The following RELN variants were observed in gnomAD, a reference collection of about 807,000 sequenced individuals.
RELN encodes the protein reelin.
RELN carries 108 observed loss-of-function variants against 427.6 expected under a neutral mutation model. The observed-to-expected ratio is 0.25, with a 90% confidence interval of 0.22 to 0.30. The LOEUF (loss-of-function observed/expected upper bound fraction) is 0.30. Among genes scored for constraint, RELN ranks in the 10% least tolerant of loss-of-function variants. The pLI, the probability that RELN is intolerant of heterozygous loss-of-function variation, is 1.00. For missense variants in RELN, 3,715 were observed against 4,302.8 expected, an observed-to-expected ratio of 0.86 and a Z score of 3.82; for synonymous variants, 1,524 against 1,513.4, an observed-to-expected ratio of 1.01 and a Z score of -0.16.
At chr7:103,951,275 C>T (rs1023649205) in intron 1 of RELN, among the ~76,000 whole-genome samples, 3 of 152,130 alleles carry the variant, frequency 2.0e-5, no homozygotes, top group Non-Finnish European at 4.4e-5. Context: ...ATAAACAAAT[C>T]ACATATATAT....
chr7:103,641,906 C>T (rs1476798105), intron 16 of RELN, among the ~76,000 whole-genome samples: 1 of 152,092 alleles, frequency 6.6e-6, no homozygotes, highest in Non-Finnish European at 1.5e-5. Flanking sequence ...AGAGATAGGG[C>T]ACCCATGTCA....
intron 11 of RELN, among the ~76,000 whole-genome samples, chr7:103,678,368 A>C (rs933922539): frequency 1.3e-5 from 2 of 152,044 alleles, no homozygotes; most frequent in African/African-American, 4.8e-5. Context: ...ATAAATTATC[A>C]GTGTATCTAT....
chr7:103,807,910 C>G (rs116436530), intron 3 of RELN, among the ~76,000 whole-genome samples: 1 of 152,046 alleles, frequency 6.6e-6, no homozygotes, highest in African/African-American at 2.4e-5. Flanking sequence ...GGCCCTCATC[C>G]CACCAGCAGA....
chr7:103,838,526 AAGAGAGTCCCAGGAAAATC>A (rs1228707582), intron 2 of RELN, among the ~76,000 whole-genome samples: 1 of 152,146 alleles, frequency 6.6e-6, no homozygotes, highest in African/African-American at 2.4e-5. Flanking sequence ...TGGGGAGAAT[AAGAGAGTCCCAGGAAAATC>A]ACAGAGTGCC....
intron 51 of RELN, among the ~76,000 whole-genome samples, chr7:103,506,967 C>T (rs1181308823): frequency 2.0e-5 from 3 of 152,118 alleles, no homozygotes; most frequent in East Asian, 1.9e-4. Flanking sequence ...AAGGAATCAA[C>T]GCAACAAGAA....
At chr7:103,825,016 T>C (rs1034834544) in intron 3 of RELN, among the ~76,000 whole-genome samples, 1 of 151,976 alleles carries the variant, frequency 6.6e-6, no homozygotes, top group Admixed American at 6.6e-5. Flanking sequence ...AGGAACTTAG[T>C]AGGCTGCCTG....
At chr7:103,885,207 C>T (rs1173123671) in intron 2 of RELN, among the ~76,000 whole-genome samples, 3 of 151,936 alleles carry the variant, frequency 2.0e-5, no homozygotes, top group Non-Finnish European at 2.9e-5. Context: ...GGCATGGTAG[C>T]GGGTGCCTGT....
At chr7:103,961,985 G>A (rs1363149867) in intron 1 of RELN, among the ~76,000 whole-genome samples, 2 of 152,140 alleles carry the variant, frequency 1.3e-5, no homozygotes, top group Non-Finnish European at 2.9e-5. Flanking sequence ...TTTTAGGGGT[G>A]AGGGGTGGAG....
At chr7:103,787,186 C>A (rs748096513) in intron 3 of RELN, among the ~76,000 whole-genome samples, 18 of 152,024 alleles carry the variant, frequency 1.2e-4, no homozygotes, top group Admixed American at 6.6e-5. Flanking sequence ...ATCTCTGGGA[C>A]ACAGTAAAAG....
chr7:103,930,940 G>T (rs983963273), intron 1 of RELN, among the ~76,000 whole-genome samples: 1 of 148,420 alleles, frequency 6.7e-6, no homozygotes, highest in African/African-American at 2.5e-5. Flanking sequence ...AATGACTTTT[G>T]AAATCCAAGC....
Position 103,551,191 on chromosome 7 carries a change from G to A in RELN, c.6178C>T (p.His2060Tyr). 6.2e-7 allele frequency: 1 copy of A among 1,614,074 alleles called. No homozygotes were observed. Among genetic ancestry groups the A allele is most frequent in the Non-Finnish European group, 8.5e-7 (1 of 1,179,990 alleles). ...AAAGAGCTGACGTGGCTGCTGCTGT[G>A]GTAGCAGAGGGGCAGCAGAAGGTGC... Reference protein sequence around the residue: ...TWHLLLPLCYHSSSHVSSLCS... With the variant: ...TWHLLLPLCYYSSSHVSSLCS... The change falls in exon 41 of 65, where the codon CAC becomes TAC. Residue 2060 changes from histidine to tyrosine, a missense_variant. Coordinates refer to ENST00000428762, the MANE Select transcript of RELN (RefSeq NM_005045.4).
At chr7:103,792,802 A>G (rs1792200673) in intron 3 of RELN, among the ~76,000 whole-genome samples, 1 of 152,092 alleles carries the variant, frequency 6.6e-6, no homozygotes, top group South Asian at 2.1e-4. Context: ...ATCTCAATAA[A>G]GCTGTTATTA....
chr7:103,839,302 G>GTTTTTTTTTTTT (rs1793492405), intron 2 of RELN, among the ~76,000 whole-genome samples: 4 of 75,042 alleles, frequency 5.3e-5, no homozygotes, highest in African/African-American at 2.0e-4. Flanking sequence ...AGTGGTCTTT[G>GTTTTTTTTTTTT]CTTTTTTTTT....
intron 1 of RELN, among the ~76,000 whole-genome samples, chr7:103,926,176 C>G (rs1795731392): frequency 7.6e-6 from 1 of 131,444 alleles, no homozygotes; most frequent in Non-Finnish European, 1.5e-5. Context: ...TCTTGGCTCA[C>G]TGCAACCTCT....
At chr7:103,572,294 A>T (rs1830899914) in intron 30 of RELN, 34 bp from the exon 31 acceptor site, 1 of 1,098,914 alleles carries the variant, frequency 9.1e-7, no homozygotes, top group Non-Finnish European at 1.4e-6. Flanking sequence ...ACTTACAAAC[A>T]AGAGTTCAGA....
chr7:103,806,875 T>G (rs1182775493), intron 3 of RELN, among the ~76,000 whole-genome samples: 1 of 152,104 alleles, frequency 6.6e-6, no homozygotes, highest in Non-Finnish European at 1.5e-5. Flanking sequence ...TATCCACACT[T>G]AATCATTCAA....
chr7:103,510,268 G>C (rs1414299204), intron 51 of RELN, among the ~76,000 whole-genome samples: 1 of 152,200 alleles, frequency 6.6e-6, no homozygotes, highest in African/African-American at 2.4e-5. Flanking sequence ...ACTGGATAAA[G>C]AAAATGTGGC....
intron 50 of RELN, among the ~76,000 whole-genome samples, chr7:103,511,866 G>A (rs1296547654): frequency 6.6e-6 from 1 of 152,228 alleles, no homozygotes; most frequent in East Asian, 1.9e-4. Flanking sequence ...TTTAAAAAAT[G>A]AAATATACAT....
chr7:103,636,112 C>T (rs1832574026), intron 18 of RELN, 123 bp downstream of exon 18: 2 of 770,252 alleles, frequency 2.6e-6, no homozygotes, highest in Admixed American at 2.0e-5. Flanking sequence ...TGTAGGCTCC[C>T]TCCAACCCTA....
Sources: allele counts gnomAD v4.1 joint callset (sites outside exome capture counted in the v4.1 genomes callset), GRCh38; gene constraint gnomAD v4.1.1; transcripts MANE v1.5; gene names NCBI Gene and HGNC (gene_info 2026-07-23, HGNC 2026-07-21).